CLASP2: variants seen among roughly 807,000 people sequenced by gnomAD.
CLASP2 encodes cytoplasmic linker associated protein 2.
In CLASP2, 47 loss-of-function variants were observed where a neutral mutation model predicts 194.4. The observed-to-expected ratio is 0.24, with a 90% CI of 0.19 to 0.31. CLASP2 has a LOEUF of 0.31. CLASP2 is among the 10% of genes least tolerant of loss of function. The pLI is 1.00. For synonymous variants in CLASP2, 619 were observed against 633.5 expected (o/e 0.98, Z 0.34); for missense variants, 1,445 against 1,823.6 (o/e 0.79, Z 3.78).
intron 37 of CLASP2, chr3:33,504,605 G>C (rs2047635877): frequency 6.6e-6 from 1 of 152,246 alleles, no homozygotes; most frequent in African/African-American, 2.4e-5. Flanking sequence ...GGCCCTCTAA[G>C]ACGGTGGTCC....
At chr3:33,664,714 T>C (rs2085879682) in intron 6 of CLASP2, among the ~76,000 whole-genome samples, 1 of 152,182 alleles carries the variant, frequency 6.6e-6, no homozygotes, top group Non-Finnish European at 1.5e-5. Context: ...CAGAGTAGTA[T>C]ATTCTGGAGG....
At chr3:33,667,406 C>CAAAAAAAAAAAAAAAAAAAAAA (rs537846651) in intron 6 of CLASP2, among the ~76,000 whole-genome samples, 7 of 44,128 alleles carry the variant, frequency 1.6e-4, no homozygotes, top group African/African-American at 5.4e-4. Flanking sequence ...GAGACTATCT[C>CAAAAAAAAAAAAAAAAAAAAAA]AAAAAAAAAA....
intron 13 of CLASP2, among the ~76,000 whole-genome samples, chr3:33,610,231 C>G (rs1032483364): frequency 6.6e-6 from 1 of 152,174 alleles, no homozygotes; most frequent in Non-Finnish European, 1.5e-5. Context: ...GACATCACCT[C>G]CTCACCAAAA....
At chr3:33,628,510 T>C (rs1350724823) in intron 9 of CLASP2, among the ~76,000 whole-genome samples, 2 of 152,104 alleles carry the variant, frequency 1.3e-5, no homozygotes, top group Non-Finnish European at 2.9e-5. Flanking sequence ...ACCCACTAAG[T>C]TAGGTGTCTG....
chr3:33,498,563 C>T lies in CLASP2; in HGVS notation c.*68G>A. 2.0e-6 allele frequency: 2 copies of T among 987,788 alleles called. No homozygotes were observed. Among genetic ancestry groups the T allele is most frequent in the East Asian group, 5.0e-5 (2 of 40,310 alleles). The allele number at this position is 987,788 out of a possible 1,614,324, so 61.2% of individuals were successfully genotyped here. ...TCCAAAGGATGTGTTTGAGAACTTCCTTTCATTGATGAGGGTGGTCTATCT... is the reference window on the plus strand; with the variant it reads ...TCCAAAGGATGTGTTTGAGAACTTCTTTTCATTGATGAGGGTGGTCTATCT... On this transcript the variant is annotated 3_prime_UTR_variant, in exon 39 of 39. Transcript: ENST00000682230.
chr3:33,645,699 T>A (rs921666433), intron 7 of CLASP2, among the ~76,000 whole-genome samples: 2 of 152,216 alleles, frequency 1.3e-5, no homozygotes, highest in Non-Finnish European at 2.9e-5. Context: ...TAAGGTTTTA[T>A]GCAATATTCA....
chr3:33,709,451 C>T (rs948927605), intron 1 of CLASP2, among the ~76,000 whole-genome samples: 6 of 151,970 alleles, frequency 3.9e-5, no homozygotes, highest in Non-Finnish European at 7.4e-5. Flanking sequence ...TTGAAGGGTC[C>T]TTATAAGGGG....
At chr3:33,679,602 A>G (rs1435581811) in intron 6 of CLASP2, among the ~76,000 whole-genome samples, 3 of 152,232 alleles carry the variant, frequency 2.0e-5, no homozygotes, top group African/African-American at 7.2e-5. Context: ...TCACCAGAGA[A>G]GATATACAGA....
At chr3:33,646,218 A>G (rs578086461) in intron 7 of CLASP2, among the ~76,000 whole-genome samples, 3 of 151,608 alleles carry the variant, frequency 2.0e-5, no homozygotes, top group South Asian at 4.1e-4. Context: ...TTTTTAATAT[A>G]TAACTATTTA....
chr3:33,551,255 C>T lies in CLASP2; in HGVS notation c.3150G>A (p.Arg1050=), dbSNP rs370532009. 2.8e-5 allele frequency: 45 copies of T among 1,612,012 alleles called. No individual in the cohort carries two copies. The highest frequency in any genetic ancestry group is 3.7e-5 in the Non-Finnish European group (44 of 1,179,018). The change falls in exon 30 of 39, where the codon CGG becomes CGA. Residue 1050 remains arginine (R), a synonymous_variant. Coordinates refer to ENST00000682230, the MANE Select transcript of CLASP2 (RefSeq NM_001365631.1). ...TAAACCTCATATTAAAATATACCTT[C>T]CGAACATCAGAACTTTTGGGTTCTG... The part of the protein sequence containing the change: ...WTTEPKSSDV[R]KAAQSVLISL...
chr3:33,662,276 G>T (rs1208361377), intron 7 of CLASP2, among the ~76,000 whole-genome samples: 1 of 152,134 alleles, frequency 6.6e-6, no homozygotes, highest in Non-Finnish European at 1.5e-5. Context: ...CCTTAGAGTT[G>T]TAACTAACTT....
intron 2 of CLASP2, among the ~76,000 whole-genome samples, chr3:33,696,405 A>G (rs1432249940): frequency 9.0e-6 from 1 of 111,460 alleles, no homozygotes; most frequent in Non-Finnish European, 1.7e-5. Context: ...AAGTAAGTTT[A>G]AAACCTTGTC....
Position 33,499,109 on chromosome 3 carries a change from T to C in CLASP2, c.4435-392A>G, listed in dbSNP as rs142478737. Among the ~76,000 whole-genome samples, 168 of 152,224 alleles carry C rather than the reference T, an allele frequency of 1.1e-3. 1 individual carries two copies. Among genetic ancestry groups the C allele is most frequent in the African/African-American group, 4.0e-3 (165 of 41,538 alleles). On this transcript the variant is annotated intron_variant, in intron 38 of 38. Transcript: ENST00000682230. ...GTCCTTGTGGGAGGTGACTGAATCA[T>C]GGGGGCAGTTCCCCTGTGCTGCTCT...
chr3:33,595,030 C>T (rs1229969103), intron 19 of CLASP2, 62 bp from the exon 20 acceptor site: 3 of 1,007,178 alleles, frequency 3.0e-6, no homozygotes, highest in Admixed American at 6.1e-5. Flanking sequence ...TTAAGACCTA[C>T]CTCACAGTCC....
intron 1 of CLASP2, among the ~76,000 whole-genome samples, chr3:33,702,917 G>C (rs1392873209): frequency 1.3e-5 from 2 of 152,112 alleles, no homozygotes; most frequent in Admixed American, 6.6e-5. Context: ...AGATCCACAT[G>C]CAAAACATTA....
intron 27 of CLASP2, among the ~76,000 whole-genome samples, chr3:33,561,499 G>C (rs1043125965): frequency 6.6e-6 from 1 of 152,142 alleles, no homozygotes; most frequent in East Asian, 1.9e-4. Context: ...TATTAAAACT[G>C]CCTCAATGGT....
rs555361912 is a variant in CLASP2, at chr3:33,497,766, C to T, written c.*865G>A. 96 of 152,370 alleles carry T rather than the reference C, an allele frequency of 6.3e-4. No individual in the cohort carries two copies. The highest frequency in any genetic ancestry group is 2.0e-3 in the African/African-American group (85 of 41,490). The allele number at this position is 152,370 out of a possible 1,614,324, so 9.4% of individuals were successfully genotyped here. Reference sequence around the variant, plus strand: ...ACACACGCACTTGATTTTTTTTGTCCGTTTCCATTATCAAGTTTATTCATA... The same window carrying T: ...ACACACGCACTTGATTTTTTTTGTCTGTTTCCATTATCAAGTTTATTCATA... On this transcript the variant is annotated 3_prime_UTR_variant, in exon 39 of 39. Coordinates refer to ENST00000682230, the MANE Select transcript of CLASP2 (RefSeq NM_001365631.1).
chr3:33,518,737 A>G (rs2154104714), intron 34 of CLASP2, among the ~76,000 whole-genome samples: 1 of 152,352 alleles, frequency 6.6e-6, no homozygotes, highest in South Asian at 2.1e-4. Context: ...CTTTTCCATG[A>G]AAGTAAGCTT....
At chr3:33,528,422 T>C (rs564265841) in intron 34 of CLASP2, among the ~76,000 whole-genome samples, 1 of 152,162 alleles carries the variant, frequency 6.6e-6, no homozygotes, top group Non-Finnish European at 1.5e-5. Flanking sequence ...CTATTAAACA[T>C]AGTTTTGGAA....
Sources: allele counts gnomAD v4.1 joint callset (sites outside exome capture counted in the v4.1 genomes callset), GRCh38; gene constraint gnomAD v4.1.1; transcripts MANE v1.5; gene names NCBI Gene and HGNC (gene_info 2026-07-23, HGNC 2026-07-21).